DIAPH2: variants seen among roughly 807,000 people sequenced by gnomAD.
DIAPH2 encodes diaphanous related formin 2, also known as protein diaphanous homolog 2.
A neutral mutation model predicts 92.7 loss-of-function variants in DIAPH2; 35 were observed. The ratio of observed to expected loss-of-function variants is 0.38; its 90% CI spans 0.29 to 0.50. The LOEUF (loss-of-function observed/expected upper bound fraction) is 0.50, where lower values mean the gene tolerates loss of function less well. Ranked by LOEUF, DIAPH2 falls within the 20% of genes least tolerant of loss-of-function variation. DIAPH2 has a pLI of 0.94. For missense variants in DIAPH2, 701 were observed against 819.5 expected (o/e 0.86, Z 1.77); for synonymous variants, 301 against 280.4 (o/e 1.07, Z -0.73).
chrX:97,100,075 A>G (rs778072276), intron 20 of DIAPH2, among the ~76,000 whole-genome samples: 1 of 111,650 alleles, frequency 9.0e-6, no homozygotes, highest in East Asian at 2.8e-4. Flanking sequence ...TAATATATGC[A>G]AACAGTATAC....
intron 23 of DIAPH2, among the ~76,000 whole-genome samples, chrX:97,255,114 C>T (rs1330033092): frequency 8.9e-6 from 1 of 111,777 alleles, no homozygotes; most frequent in Non-Finnish European, 1.9e-5. Context: ...CAATTTTGGT[C>T]TTTCCGACAT....
chrX:97,199,591 T>C (rs901058481), intron 22 of DIAPH2, among the ~76,000 whole-genome samples: 1 of 111,791 alleles, frequency 8.9e-6, no homozygotes, highest in Admixed American at 9.6e-5. Context: ...TCTTGTGAAA[T>C]ATTAGTTTTC....
intron 22 of DIAPH2, among the ~76,000 whole-genome samples, chrX:97,160,907 G>A (rs2067365054): frequency 1.8e-5 from 2 of 111,399 alleles, no homozygotes; most frequent in Non-Finnish European, 3.8e-5. Context: ...AGTGTAAATG[G>A]AGCAGACTTT....
At chrX:97,474,143 A>G (rs1194228554) in intron 26 of DIAPH2, among the ~76,000 whole-genome samples, 3 of 112,227 alleles carry the variant, frequency 2.7e-5, no homozygotes, top group Non-Finnish European at 1.9e-5. Flanking sequence ...AGCCTAAAAT[A>G]TTTACTATCT....
chrX:96,848,636 A>G (rs1472815946), intron 4 of DIAPH2, among the ~76,000 whole-genome samples: 1 of 111,951 alleles, frequency 8.9e-6, no homozygotes, highest in African/African-American at 3.2e-5. Context: ...TGTTGAATAA[A>G]TGGATACAGG....
intron 26 of DIAPH2, among the ~76,000 whole-genome samples, chrX:97,562,261 G>A (rs945998806): frequency 3.7e-5 from 4 of 108,702 alleles, no homozygotes; most frequent in South Asian, 4.2e-4. Flanking sequence ...TTTGGTAGGC[G>A]GAGGCAGGCG....
intron 24 of DIAPH2, among the ~76,000 whole-genome samples, chrX:97,370,431 T>G (rs1480241927): frequency 8.9e-6 from 1 of 111,835 alleles, no homozygotes; most frequent in Non-Finnish European, 1.9e-5. Flanking sequence ...ATACATAAAT[T>G]CACTGGAAAA....
At chrX:97,516,100 A>G (rs1017044437) in intron 26 of DIAPH2, among the ~76,000 whole-genome samples, 2 of 110,262 alleles carry the variant, frequency 1.8e-5, no homozygotes, top group African/African-American at 3.3e-5. Flanking sequence ...AAAAATACAA[A>G]AATTAGCTGG....
chrX:96,929,688 G>A (rs1404231067), intron 9 of DIAPH2, among the ~76,000 whole-genome samples: 3 of 110,983 alleles, frequency 2.7e-5, no homozygotes, highest in Non-Finnish European at 5.7e-5. Context: ...TTTTTCCCAT[G>A]CTAACTATTA....
intron 23 of DIAPH2, among the ~76,000 whole-genome samples, chrX:97,293,319 C>T (rs1480177811): frequency 2.3e-5 from 2 of 85,126 alleles, no homozygotes; most frequent in African/African-American, 4.6e-5. Context: ...GGCACAATAT[C>T]TTGGCTCACT....
At chrX:97,321,552 T>A (rs1179398407) in intron 23 of DIAPH2, among the ~76,000 whole-genome samples, 1 of 87,807 alleles carries the variant, frequency 1.1e-5, no homozygotes, top group African/African-American at 4.1e-5. Context: ...TTATTTTTTT[T>A]TTTTTTTTTT....
chrX:96,798,287 T>A (rs1328764736), intron 4 of DIAPH2, among the ~76,000 whole-genome samples: 2 of 111,875 alleles, frequency 1.8e-5, no homozygotes, highest in African/African-American at 6.5e-5. Flanking sequence ...GAGGCTCTGA[T>A]AGTTTTTTTA....
intron 1 of DIAPH2, among the ~76,000 whole-genome samples, chrX:96,699,826 T>C (rs2063844840): frequency 8.9e-6 from 1 of 111,876 alleles, no homozygotes; most frequent in Non-Finnish European, 1.9e-5. Flanking sequence ...TGGACTGCAC[T>C]GTTGTGAACT....
At chrX:97,291,682 G>A (rs1457046427) in intron 23 of DIAPH2, among the ~76,000 whole-genome samples, 2 of 109,404 alleles carry the variant, frequency 1.8e-5, no homozygotes, top group Non-Finnish European at 3.8e-5. Flanking sequence ...ACAGGCACCC[G>A]CCACATCTCC....
intron 22 of DIAPH2, among the ~76,000 whole-genome samples, chrX:97,241,313 T>C (rs78758724): frequency 1.8e-5 from 2 of 110,400 alleles, no homozygotes; most frequent in East Asian, 2.8e-4. Context: ...TTTTTTTTTT[T>C]CCCGAGACGG....
At chrX:96,757,752 T>G (rs571141224) in intron 3 of DIAPH2, among the ~76,000 whole-genome samples, 149 of 112,004 alleles carry the variant, frequency 1.3e-3, no homozygotes, top group Middle Eastern at 4.6e-3. Context: ...TGTATTTGCT[T>G]TCCCAGGTAA....
At chrX:97,491,722 A>G (rs909375226) in intron 26 of DIAPH2, among the ~76,000 whole-genome samples, 1 of 112,158 alleles carries the variant, frequency 8.9e-6, no homozygotes. Context: ...GTAATTATTG[A>G]TAGGGAAGGA....
intron 22 of DIAPH2, among the ~76,000 whole-genome samples, chrX:97,231,092 C>T (rs2068005772): frequency 8.9e-6 from 1 of 112,328 alleles, no homozygotes. Context: ...TTCATCAAAG[C>T]AAATCCTAAA....
intron 23 of DIAPH2, among the ~76,000 whole-genome samples, chrX:97,311,585 C>T (rs1358125275): frequency 1.8e-5 from 2 of 110,629 alleles, no homozygotes. Context: ...TTCCTGGGTG[C>T]GGGGACACAA....
Sources: allele counts gnomAD v4.1 joint callset (sites outside exome capture counted in the v4.1 genomes callset), GRCh38; gene constraint gnomAD v4.1.1; transcripts MANE v1.5; gene names NCBI Gene and HGNC (gene_info 2026-07-23, HGNC 2026-07-21).